Variants in CTIF observed in about 807,000 individuals in gnomAD.
The protein encoded by CTIF is cap binding complex dependent translation initiation factor.
Under a neutral mutation model 66.0 loss-of-function variants are expected in CTIF, and 21 were observed. That is an observed-to-expected ratio of 0.32 (90% CI 0.23 to 0.46). The LOEUF (loss-of-function observed/expected upper bound fraction) is 0.46. Ranked by LOEUF, CTIF falls within the 20% of genes least tolerant of loss-of-function variation. CTIF has a pLI of 1.00. For synonymous variants in CTIF, 345 were observed against 326.4 expected (o/e 1.06, Z -0.62); for missense variants, 739 against 812.7 (o/e 0.91, Z 1.10).
intron 3 of CTIF, among the ~76,000 whole-genome samples, chr18:48,651,603 G>A (rs895438303): frequency 6.6e-6 from 1 of 152,170 alleles, no homozygotes; most frequent in Non-Finnish European, 1.5e-5. Context: ...GCTTAGCTCT[G>A]CACCAAGCAG....
intron 10 of CTIF, among the ~76,000 whole-genome samples, chr18:48,853,131 AT>A (rs1288398952): frequency 6.6e-6 from 1 of 151,976 alleles, no homozygotes; most frequent in Admixed American, 6.6e-5. Context: ...CTGAGCAAAT[AT>A]TTTCCAGTGT....
At chr18:48,711,752 A>G (rs1598910174) in intron 7 of CTIF, 57 bp downstream of exon 7, 2 of 1,442,374 alleles carry the variant, frequency 1.4e-6, no homozygotes, top group East Asian at 4.5e-5. Context: ...TGCCATCTGT[A>G]GCGACGTCAG....
chr18:48,713,743 C>T (rs1027199024), intron 7 of CTIF, among the ~76,000 whole-genome samples: 6 of 152,128 alleles, frequency 3.9e-5, no homozygotes, highest in East Asian at 1.9e-4. Context: ...GATGAGGGGC[C>T]GCTGCCTCCA....
At chr18:48,857,463 T>G in intron 10 of CTIF, 125 bp from the exon 11 acceptor site, 2 of 763,308 alleles carry the variant, frequency 2.6e-6, no homozygotes, top group Non-Finnish European at 2.1e-6. Flanking sequence ...GCCTGAACCT[T>G]GGAGATGTTT....
At chr18:48,697,254 A>G (rs1412091951) in intron 6 of CTIF, among the ~76,000 whole-genome samples, 13 of 152,258 alleles carry the variant, frequency 8.5e-5, no homozygotes, top group Non-Finnish European at 1.9e-4. Flanking sequence ...TGGGGCCTAC[A>G]GAAGTGAAGG....
chr18:48,831,254 G>A (rs953077267), intron 10 of CTIF, among the ~76,000 whole-genome samples: 1 of 152,278 alleles, frequency 6.6e-6, no homozygotes, highest in African/African-American at 2.4e-5. Flanking sequence ...CTGCGAAGCT[G>A]CCTCTGTTCT....
intron 1 of CTIF, among the ~76,000 whole-genome samples, chr18:48,593,486 T>C (rs1004139861): frequency 7.8e-4 from 119 of 151,728 alleles, no homozygotes; most frequent in African/African-American, 2.6e-3. Context: ...GTTCATGCCA[T>C]TCTCCTGCCT....
At chr18:48,824,292 T>C (rs2068540464) in intron 10 of CTIF, among the ~76,000 whole-genome samples, 1 of 152,182 alleles carries the variant, frequency 6.6e-6, no homozygotes, top group Non-Finnish European at 1.5e-5. Flanking sequence ...GACCTCTTTC[T>C]CCTGCCCAGG....
intron 1 of CTIF, among the ~76,000 whole-genome samples, chr18:48,594,879 C>T (rs1229524831): frequency 1.3e-5 from 2 of 152,168 alleles, no homozygotes; most frequent in African/African-American, 4.8e-5. Context: ...GCTGCAAGTC[C>T]CTGGGGCCAG....
At chr18:48,843,888 G>A (rs1213135991) in intron 10 of CTIF, among the ~76,000 whole-genome samples, 1 of 152,194 alleles carries the variant, frequency 6.6e-6, no homozygotes, top group East Asian at 1.9e-4. Context: ...TGTGCTCTTG[G>A]AGAAATCATT....
At chr18:48,648,664 T>C (rs1469955271) in intron 3 of CTIF, among the ~76,000 whole-genome samples, 1 of 152,202 alleles carries the variant, frequency 6.6e-6, no homozygotes, top group Non-Finnish European at 1.5e-5. Context: ...ATCTGGCCCA[T>C]AGGAAGCCTC....
chr18:48,639,789 T>C (rs999103029), intron 3 of CTIF, among the ~76,000 whole-genome samples: 4 of 152,106 alleles, frequency 2.6e-5, no homozygotes, highest in Admixed American at 2.6e-4. Flanking sequence ...CTCTACCCTC[T>C]CTAGAGTGTT....
rs1292436048 is a variant in CTIF, at chr18:48,761,300, TG to T, written c.1072-85del. 2 of 1,302,154 alleles carry T rather than the reference TG, an allele frequency of 1.5e-6. No individual in the cohort carries two copies. The highest frequency in any genetic ancestry group is 1.1e-6 in the Non-Finnish European group (1 of 936,796). The allele number at this position is 1,302,154 out of a possible 1,614,324, so 80.7% of individuals were successfully genotyped here. ...GGGAAGTAGGCCTGGTCCTGCTTTCTGGGGGTGGCCACCCTCTTTCCACCAG... is the reference window on the plus strand; with the variant it reads ...GGGAAGTAGGCCTGGTCCTGCTTTCTGGGGTGGCCACCCTCTTTCCACCAG... On this transcript the variant is annotated intron_variant, in intron 8 of 11. Coordinates refer to ENST00000256413, the MANE Select transcript of CTIF (RefSeq NM_014772.3). This position sits in a 1 kb window ranked among gnomAD's most constrained non-coding sequence, Gnocchi z 4.2.
intron 9 of CTIF, among the ~76,000 whole-genome samples, chr18:48,780,844 T>G (rs1235120939): frequency 6.6e-6 from 1 of 152,038 alleles, no homozygotes; most frequent in Non-Finnish European, 1.5e-5. Context: ...CAGGGCAGAG[T>G]GCAGGGGTAG....
chr18:48,706,134 C>T (rs557283184), intron 6 of CTIF, among the ~76,000 whole-genome samples: 6 of 152,220 alleles, frequency 3.9e-5, no homozygotes, highest in South Asian at 2.1e-4. Flanking sequence ...CCCCTCCACC[C>T]GTCCCTCTCT....
intron 6 of CTIF, among the ~76,000 whole-genome samples, chr18:48,697,462 T>C (rs1193190186): frequency 6.6e-6 from 1 of 152,200 alleles, no homozygotes. Flanking sequence ...TGGTAAAAGC[T>C]GACAGAATTT....
intron 10 of CTIF, among the ~76,000 whole-genome samples, chr18:48,817,758 G>A (rs1402477322): frequency 2.0e-5 from 3 of 148,546 alleles, no homozygotes; most frequent in African/African-American, 7.6e-5. Flanking sequence ...CTGGGCGACA[G>A]AGCGAGACTC....
chr18:48,641,106 C>T (rs2090921237), intron 3 of CTIF, among the ~76,000 whole-genome samples: 1 of 152,200 alleles, frequency 6.6e-6, no homozygotes, highest in African/African-American at 2.4e-5. Flanking sequence ...CAGACGTTTC[C>T]AGCTTTTTAT....
chr18:48,673,956 G>C (rs1293605876), intron 6 of CTIF, among the ~76,000 whole-genome samples: 1 of 152,276 alleles, frequency 6.6e-6, no homozygotes, highest in East Asian at 1.9e-4. Flanking sequence ...GCTCCACTCA[G>C]AGCCCATTGG....
Sources: gnomAD v4.1 joint callset for allele counts (sites outside exome capture counted in the v4.1 genomes callset) on GRCh38, gnomAD v4.1.1 for gene constraint, Gnocchi (gnomAD v3.1) non-coding constraint, MANE v1.5 for transcripts, NCBI Gene and HGNC (gene_info 2026-07-23, HGNC 2026-07-21) for gene names.